Variants in IQCM observed in about 807,000 individuals in gnomAD.
IQCM encodes IQ domain-containing protein M.
A neutral mutation model predicts 57.6 loss-of-function variants in IQCM; 45 were observed. The observed-to-expected ratio is 0.78, with a 90% CI of 0.62 to 1.00. The LOEUF (loss-of-function observed/expected upper bound fraction) is 1.00, where lower values mean the gene tolerates loss of function less well. IQCM is among the 50% of genes least tolerant of loss of function. IQCM has a pLI of 0.00. For missense variants in IQCM, 468 were observed against 511.6 expected (o/e 0.91, Z 0.82); for synonymous variants, 148 against 158.9 (o/e 0.93, Z 0.51).
intron 7 of IQCM, among the ~76,000 whole-genome samples, chr4:149,680,374 T>C (rs1762090224): frequency 6.6e-6 from 1 of 151,328 alleles, no homozygotes; most frequent in South Asian, 2.1e-4. Flanking sequence ...TTTATTTTGA[T>C]TGGTATCTCT....
At chr4:149,783,714 G>T (rs1357060933) in intron 2 of IQCM, among the ~76,000 whole-genome samples, 1 of 152,112 alleles carries the variant, frequency 6.6e-6, no homozygotes, top group Admixed American at 6.5e-5. Context: ...CATTATATAA[G>T]ACTATCTCAT....
intron 2 of IQCM, among the ~76,000 whole-genome samples, chr4:149,746,132 T>G (rs1767910572): frequency 6.6e-6 from 1 of 151,906 alleles, no homozygotes; most frequent in Admixed American, 6.6e-5. Flanking sequence ...CAGTTGATAT[T>G]ATGGCAAATG....
chr4:149,666,682 A>C (rs1286407049), intron 7 of IQCM, among the ~76,000 whole-genome samples: 2 of 152,154 alleles, frequency 1.3e-5, no homozygotes, highest in African/African-American at 4.8e-5. Flanking sequence ...CACTGGCTTG[A>C]AATTCTCGCT....
At chr4:149,623,115 A>G (rs1007289944) in intron 7 of IQCM, among the ~76,000 whole-genome samples, 2 of 152,210 alleles carry the variant, frequency 1.3e-5, no homozygotes, top group Admixed American at 6.5e-5. Flanking sequence ...TTATATGTAT[A>G]AAAACATCAC....
intron 7 of IQCM, among the ~76,000 whole-genome samples, chr4:149,621,802 C>T (rs1329277348): frequency 6.6e-6 from 1 of 152,004 alleles, no homozygotes; most frequent in African/African-American, 2.4e-5. Context: ...TCTACAGAAA[C>T]CATTTTTCTT....
chr4:149,787,108 C>T (rs1772144766), intron 2 of IQCM, among the ~76,000 whole-genome samples: 1 of 152,056 alleles, frequency 6.6e-6, no homozygotes, highest in African/African-American at 2.4e-5. Flanking sequence ...TATTCTCACT[C>T]AAAAGTGGGA....
chr4:149,379,792 T>C (rs1730951508), intron 13 of IQCM, among the ~76,000 whole-genome samples: 1 of 152,148 alleles, frequency 6.6e-6, no homozygotes, highest in African/African-American at 2.4e-5. Flanking sequence ...AATGTGAAGA[T>C]ATGAGATTTG....
At chr4:149,725,773 A>C (rs1412667507) in intron 5 of IQCM, among the ~76,000 whole-genome samples, 1 of 152,000 alleles carries the variant, frequency 6.6e-6, no homozygotes. Flanking sequence ...TGCTGACCTC[A>C]ATCTCCATAG....
rs1579366963 is a variant in IQCM, at chr4:149,525,940, G to A, written c.1228+22515C>T. On this transcript the variant is annotated intron_variant, in intron 12 of 13. Coordinates refer to ENST00000636793, the MANE Select transcript of IQCM (RefSeq NM_001363507.2). ...AAAAAATAGACAAAAATTATAAATA[G>A]GCAATCCATAGAAGAGCTACGTATA... is the stretch of plus-strand genomic sequence containing the variant. 2.0e-5 allele frequency among the ~76,000 whole-genome samples: 3 copies of A among 151,738 alleles called. No individual in the cohort carries two copies. In the East Asian group the frequency reaches 5.8e-4, roughly 29 times the overall value.
intron 7 of IQCM, among the ~76,000 whole-genome samples, chr4:149,671,807 CT>C (rs1436200094): frequency 6.6e-6 from 1 of 152,084 alleles, no homozygotes; most frequent in Non-Finnish European, 1.5e-5. Flanking sequence ...TTTCTTAATC[CT>C]GAGTTCTAGT....
chr4:149,417,820 C>CTTT (rs370591152), intron 13 of IQCM, among the ~76,000 whole-genome samples: 2,121 of 134,762 alleles, frequency 0.016, 38 homozygotes, highest in African/African-American at 0.046. Context: ...TCCCTTTTTC[C>CTTT]TTTTTTTTTT....
Position 149,411,361 on chromosome 4 carries a change from T to C in IQCM, c.1390+22035A>G, listed in dbSNP as rs1007371296. Among the ~76,000 whole-genome samples, 5 of 152,152 alleles carry C rather than the reference T, an allele frequency of 3.3e-5. No homozygotes were observed. In the East Asian group the frequency reaches 7.7e-4, roughly 23 times the overall value. On this transcript the variant is annotated intron_variant, in intron 13 of 13. Coordinates refer to ENST00000636793, the MANE Select transcript of IQCM (RefSeq NM_001363507.2). ...TGTATTTTTACACATATTTTGGTTATGAAAGAAGGTGAAAAATCTGTCAGT... is the reference window on the plus strand; with the variant it reads ...TGTATTTTTACACATATTTTGGTTACGAAAGAAGGTGAAAAATCTGTCAGT...
intron 12 of IQCM, among the ~76,000 whole-genome samples, chr4:149,478,101 G>A (rs1301707982): frequency 6.6e-6 from 1 of 152,148 alleles, no homozygotes; most frequent in Non-Finnish European, 1.5e-5. Context: ...TACTGCCAGG[G>A]ATGTAGTTAG....
intron 2 of IQCM, among the ~76,000 whole-genome samples, chr4:149,789,410 T>C (rs1353333185): frequency 2.6e-5 from 4 of 152,224 alleles, no homozygotes; most frequent in African/African-American, 9.6e-5. Context: ...CCTTCCAGTA[T>C]CAATTTAATA....
chr4:149,666,496 G>A (rs1362849131), intron 7 of IQCM, among the ~76,000 whole-genome samples: 1 of 152,028 alleles, frequency 6.6e-6, no homozygotes, highest in Non-Finnish European at 1.5e-5. Flanking sequence ...ACAAAACTGG[G>A]CGGCCATTTG....
chr4:149,808,857 T>C (rs1004738532), intron 2 of IQCM, among the ~76,000 whole-genome samples: 1 of 152,146 alleles, frequency 6.6e-6, no homozygotes, highest in African/African-American at 2.4e-5. Flanking sequence ...TTCATAGAAA[T>C]TATAAATAGA....
chr4:149,405,895 T>C (rs1230042726), intron 13 of IQCM, among the ~76,000 whole-genome samples: 2 of 146,156 alleles, frequency 1.4e-5, no homozygotes, highest in East Asian at 2.0e-4. Context: ...TCTTCATATA[T>C]ATATATATAT....
At chr4:149,775,195 C>A (rs1264547582) in intron 2 of IQCM, among the ~76,000 whole-genome samples, 1 of 152,056 alleles carries the variant, frequency 6.6e-6, no homozygotes, top group African/African-American at 2.4e-5. Flanking sequence ...CTGGATTACT[C>A]ATATTCTTGA....
chr4:149,770,351 C>G (rs1330932659), intron 2 of IQCM, among the ~76,000 whole-genome samples: 1 of 152,014 alleles, frequency 6.6e-6, no homozygotes, highest in African/African-American at 2.4e-5. Context: ...CACTGGTGAA[C>G]TCTACCAAGA....
Sources: gnomAD v4.1 joint callset for allele counts (sites outside exome capture counted in the v4.1 genomes callset) on GRCh38, gnomAD v4.1.1 for gene constraint, MANE v1.5 for transcripts, NCBI Gene and HGNC (gene_info 2026-07-23, HGNC 2026-07-21) for gene names.